ADGRL2: variants seen among roughly 807,000 people sequenced by gnomAD.
The protein encoded by ADGRL2 is adhesion G protein-coupled receptor L2, also known as calcium-independent alpha-latrotoxin receptor 2.
A neutral mutation model predicts 157.4 loss-of-function variants in ADGRL2; 44 were observed. That is an observed-to-expected ratio of 0.28 (90% CI 0.22 to 0.36). ADGRL2 has a LOEUF of 0.36. Ranked by LOEUF, ADGRL2 falls within the 10% of genes least tolerant of loss-of-function variation. The pLI is 1.00. For synonymous variants in ADGRL2, 585 were observed against 624.7 expected (o/e 0.94, Z 0.95); for missense variants, 1,510 against 1,768.9 (o/e 0.85, Z 2.63).
In ADGRL2 at chr1:81,993,182, A is replaced by T. The variant is rs1195102929; in HGVS notation, c.*2037A>T. On this transcript the variant is annotated 3_prime_UTR_variant, in exon 24 of 24. Transcript: ENST00000686636. ...AGTAGTGTGATCTCGGCTCACTGCA[A>T]CCTCCGCCTCCCAGGTTCTCAAACA... Among the ~76,000 whole-genome samples the T allele has an allele frequency of 4.6e-5, 6 of 129,680 alleles. No individual in the cohort carries two copies. The highest frequency in any genetic ancestry group is 9.5e-5 in the Non-Finnish European group (6 of 63,156). 85.1% of individuals were successfully genotyped at this position (129,680 alleles called of 152,430 possible).
upstream of ADGRL2, among the ~76,000 whole-genome samples, chr1:81,695,348 C>A (rs750571329): frequency 6.6e-6 from 1 of 152,000 alleles, no homozygotes; most frequent in Non-Finnish European, 1.5e-5. Flanking sequence ...TACCCACTTA[C>A]ACTGGAATAG....
intron 2 of ADGRL2, among the ~76,000 whole-genome samples, chr1:81,884,161 C>T (rs943253525): frequency 2.0e-5 from 3 of 151,906 alleles, no homozygotes; most frequent in African/African-American, 7.3e-5. Flanking sequence ...AACTTTTGTA[C>T]TTTTTGTAGA....
intron 3 of ADGRL2, among the ~76,000 whole-genome samples, chr1:81,588,941 T>C (rs886856244): frequency 6.6e-6 from 1 of 152,178 alleles, no homozygotes; most frequent in Non-Finnish European, 1.5e-5. Context: ...GTTTCCCTCC[T>C]GTGGGACTTA....
At chr1:81,502,388 T>G in intron 2 of ADGRL2, 1 of 1,614,046 alleles carries the variant, frequency 6.2e-7, no homozygotes, top group Non-Finnish European at 8.5e-7. Context: ...AAGAGAGATC[T>G]CTCGAGATTT....
At chr1:81,441,337 A>C (rs867857531) in intron 1 of ADGRL2, among the ~76,000 whole-genome samples, 1 of 152,170 alleles carries the variant, frequency 6.6e-6, no homozygotes, top group African/African-American at 2.4e-5. Context: ...CATACACTTC[A>C]TCTACCTAAA....
intron 2 of ADGRL2, among the ~76,000 whole-genome samples, chr1:81,523,468 T>G (rs1193680150): frequency 6.6e-6 from 1 of 151,940 alleles, no homozygotes; most frequent in African/African-American, 2.4e-5. Context: ...GAACAATAAT[T>G]TGAATCTATA....
chr1:81,639,361 G>A (rs538200385), intron 3 of ADGRL2, among the ~76,000 whole-genome samples: 2 of 152,108 alleles, frequency 1.3e-5, no homozygotes, highest in East Asian at 1.9e-4. Flanking sequence ...ATGAGCCACT[G>A]GGCCCCACCA....
chr1:81,960,065 G>T (rs1279304119), intron 11 of ADGRL2, among the ~76,000 whole-genome samples: 2 of 152,062 alleles, frequency 1.3e-5, no homozygotes, highest in African/African-American at 4.8e-5. Flanking sequence ...CTCCCAAAGC[G>T]CTGGGATTAC....
chr1:81,869,076 A>C (rs2093625650), intron 2 of ADGRL2, among the ~76,000 whole-genome samples: 1 of 152,158 alleles, frequency 6.6e-6, no homozygotes. Context: ...GAAATCAGTC[A>C]GACTTGGAGA....
At chr1:81,567,904 A>G (rs1193155242) in intron 2 of ADGRL2, among the ~76,000 whole-genome samples, 1 of 152,128 alleles carries the variant, frequency 6.6e-6, no homozygotes, top group African/African-American at 2.4e-5. Context: ...GAATGTGTTT[A>G]AATGTTCAAG....
chr1:81,656,107 C>G (rs563470268), intron 3 of ADGRL2, among the ~76,000 whole-genome samples: 1 of 152,166 alleles, frequency 6.6e-6, no homozygotes, highest in Non-Finnish European at 1.5e-5. Context: ...CTTCTATCTC[C>G]CACTAGATCT....
At chr1:81,348,098 C>A (rs952983338) in intron 1 of ADGRL2, among the ~76,000 whole-genome samples, 54 of 152,196 alleles carry the variant, frequency 3.5e-4, no homozygotes, top group African/African-American at 8.7e-4. Flanking sequence ...GGCCACCCCA[C>A]AGAGCTGAAG....
intron 3 of ADGRL2, among the ~76,000 whole-genome samples, chr1:81,925,207 A>G (rs141073973): frequency 6.6e-6 from 1 of 152,172 alleles, no homozygotes; most frequent in Non-Finnish European, 1.5e-5. Context: ...AACAGTTTTC[A>G]CTTTGTTGAA....
chr1:81,627,423 G>A (rs2081932469), intron 3 of ADGRL2, among the ~76,000 whole-genome samples: 1 of 151,998 alleles, frequency 6.6e-6, no homozygotes, highest in Non-Finnish European at 1.5e-5. Context: ...GGACACTGAG[G>A]TAGGTTGAGC....
rs550617927 is a variant in ADGRL2, at chr1:81,418,823, C to T, written c.-301-26213C>T. The stretch of plus-strand genomic sequence containing the variant: ...CTTGCTGAGGTTGATACATTAATAT[C>T]TGATTTCCAATATGTAGCGATTTAA... On this transcript the variant is annotated intron_variant, in intron 1 of 24. Transcript: ENST00000370721. Among the ~76,000 whole-genome samples the T allele has an allele frequency of 2.0e-5, 3 of 152,270 alleles. No individual in the cohort carries two copies. The East Asian group carries it at 5.8e-4, about 29-fold the overall frequency.
intron 2 of ADGRL2, among the ~76,000 whole-genome samples, chr1:81,474,546 C>A (rs1303332008): frequency 6.6e-6 from 1 of 152,196 alleles, no homozygotes; most frequent in Non-Finnish European, 1.5e-5. Flanking sequence ...AGGTCCATGT[C>A]ATTCAGTGAG....
At chr1:81,593,954 A>G (rs935254340) in intron 3 of ADGRL2, among the ~76,000 whole-genome samples, 4 of 152,192 alleles carry the variant, frequency 2.6e-5, no homozygotes, top group African/African-American at 7.2e-5. Context: ...GACTTCAAAA[A>G]TAGAGGCTTC....
chr1:81,661,444 G>T (rs1261075190), intron 3 of ADGRL2, among the ~76,000 whole-genome samples: 1 of 152,252 alleles, frequency 6.6e-6, no homozygotes, highest in Admixed American at 6.5e-5. Context: ...TAAAGGTGAA[G>T]AATTCTTAAC....
At chr1:81,808,692 C>G (rs1454660328) in intron 1 of ADGRL2, among the ~76,000 whole-genome samples, 1 of 151,952 alleles carries the variant, frequency 6.6e-6, no homozygotes, top group Non-Finnish European at 1.5e-5. Flanking sequence ...TATCAGCGAC[C>G]AAAATACATT....
Sources: allele counts gnomAD v4.1 joint callset (sites outside exome capture counted in the v4.1 genomes callset), GRCh38; gene constraint gnomAD v4.1.1; transcripts MANE v1.5; gene names NCBI Gene and HGNC (gene_info 2026-07-23, HGNC 2026-07-21).